The following NRG1 variants were observed in gnomAD, a reference collection of about 807,000 sequenced individuals.
NRG1 encodes the protein neuregulin 1.
Under a neutral mutation model 63.8 loss-of-function variants are expected in NRG1, and 18 were observed. The ratio of observed to expected loss-of-function variants is 0.28; its 90% CI spans 0.19 to 0.42. NRG1 has a LOEUF of 0.42. Ranked by LOEUF, NRG1 falls within the 10% of genes least tolerant of loss-of-function variation. The pLI, the probability that NRG1 is intolerant of heterozygous loss-of-function variation, is 1.00. For missense variants in NRG1, 762 were observed against 814.7 expected, an observed-to-expected ratio of 0.94 and a Z score of 0.79; for synonymous variants, 302 against 301.3, an observed-to-expected ratio of 1.00 and a Z score of -0.02.
At chr8:32,127,847 G>C (rs768279751) in intron 1 of NRG1, among the ~76,000 whole-genome samples, 1 of 151,660 alleles carries the variant, frequency 6.6e-6, no homozygotes, top group Non-Finnish European at 1.5e-5. Flanking sequence ...GATCGCTTGA[G>C]CCCAGAGTTT....
At chr8:31,778,519 C>T (rs1465125992) in intron 1 of NRG1, among the ~76,000 whole-genome samples, 1 of 152,168 alleles carries the variant, frequency 6.6e-6, no homozygotes, top group Non-Finnish European at 1.5e-5. Context: ...TTCCTCAGTT[C>T]CTGCTGTAGA....
intron 1 of NRG1, among the ~76,000 whole-genome samples, chr8:31,948,918 G>C (rs1803040614): frequency 6.6e-6 from 1 of 152,054 alleles, no homozygotes; most frequent in African/African-American, 2.4e-5. Flanking sequence ...GACTCTTCTG[G>C]CTATTAGAAT....
intron 1 of NRG1, among the ~76,000 whole-genome samples, chr8:32,280,113 AAATG>A (rs1852541500): frequency 1.3e-5 from 2 of 149,442 alleles, no homozygotes; most frequent in Admixed American, 6.8e-5. Flanking sequence ...TATGAATAAT[AAATG>A]AATGAACAAA....
At chr8:32,545,926 C>T (rs1471329667), upstream of NRG1, among the ~76,000 whole-genome samples, 1 of 152,038 alleles carries the variant, frequency 6.6e-6, no homozygotes, top group Non-Finnish European at 1.5e-5. Flanking sequence ...CAATTTTTGT[C>T]CTGTCTTTTC....
At chr8:32,691,413 T>G (rs1025438833) in intron 5 of NRG1, among the ~76,000 whole-genome samples, 1 of 152,150 alleles carries the variant, frequency 6.6e-6, no homozygotes, top group African/African-American at 2.4e-5. Flanking sequence ...GACTCTGCAC[T>G]CCAGTGCAGT....
chr8:31,686,004 T>C (rs1428190163), intron 1 of NRG1, among the ~76,000 whole-genome samples: 1 of 152,194 alleles, frequency 6.6e-6, no homozygotes, highest in East Asian at 1.9e-4. Context: ...TTCTCTTAGG[T>C]GTATACCTAG....
chr8:31,821,154 A>G (rs1823965769), intron 1 of NRG1, among the ~76,000 whole-genome samples: 1 of 152,218 alleles, frequency 6.6e-6, no homozygotes, highest in Admixed American at 6.5e-5. Context: ...AAGTTTGTAC[A>G]TGTTCAATAC....
chr8:31,881,189 T>G (rs1261168530), intron 1 of NRG1, among the ~76,000 whole-genome samples: 1 of 152,224 alleles, frequency 6.6e-6, no homozygotes, highest in East Asian at 1.9e-4. Context: ...TTGACAATCC[T>G]ATGTCAAGCA....
At chr8:32,418,696 A>G (rs891962585) in intron 1 of NRG1, among the ~76,000 whole-genome samples, 3 of 152,202 alleles carry the variant, frequency 2.0e-5, no homozygotes, top group African/African-American at 7.2e-5. Context: ...ATATACACCT[A>G]CAAATAATTA....
intron 1 of NRG1, among the ~76,000 whole-genome samples, chr8:32,123,320 C>T (rs1417407255): frequency 6.6e-6 from 1 of 151,848 alleles, no homozygotes; most frequent in East Asian, 1.9e-4. Flanking sequence ...CTGCTGTTCT[C>T]ATGATAGTAA....
At chr8:31,935,236 C>T (rs1835203625) in intron 1 of NRG1, among the ~76,000 whole-genome samples, 1 of 152,148 alleles carries the variant, frequency 6.6e-6, no homozygotes, top group Non-Finnish European at 1.5e-5. Flanking sequence ...CCTGCCTCAG[C>T]CTCCCAAGTA....
Position 31,653,043 on chromosome 8 carries a change from C to G in NRG1, c.37+13612C>G, listed in dbSNP as rs1002382560. On this transcript the variant is annotated intron_variant, in intron 1 of 10. Transcript: ENST00000519301. Reference sequence around the variant, plus strand: ...CCCTCCCCTTCTCTCCCCTCCCCTCCTCTCCTCTCCTCTTGTCTTCCCATT... The same window carrying G: ...CCCTCCCCTTCTCTCCCCTCCCCTCGTCTCCTCTCCTCTTGTCTTCCCATT... Among the ~76,000 whole-genome samples the G allele has an allele frequency of 7.6e-5, 10 of 132,114 alleles. No homozygotes were observed. The Admixed American group carries it at 8.0e-4, about 11-fold the overall frequency. The allele number at this position is 132,114 out of a possible 152,430, so 86.7% of individuals were successfully genotyped here. A position where few individuals can be genotyped will look rare whatever the true frequency, so the allele number is the denominator to read the frequency against.
intron 1 of NRG1, among the ~76,000 whole-genome samples, chr8:32,454,521 A>T (rs2129488297): frequency 6.6e-6 from 1 of 152,020 alleles, no homozygotes; most frequent in East Asian, 1.9e-4. Context: ...GTAAGAAAAA[A>T]AACCGACATT....
At chr8:32,095,851 C>T (rs1386641775) in intron 1 of NRG1, among the ~76,000 whole-genome samples, 1 of 152,048 alleles carries the variant, frequency 6.6e-6, no homozygotes, top group Non-Finnish European at 1.5e-5. Context: ...CCTTCTTCTT[C>T]ACTGAATGGG....
intron 1 of NRG1, among the ~76,000 whole-genome samples, chr8:31,875,311 A>T (rs573302048): frequency 6.6e-6 from 1 of 152,266 alleles, no homozygotes; most frequent in South Asian, 2.1e-4. Context: ...TCTTCTTAGG[A>T]GAAATATTAT....
At chr8:32,416,954 G>A (rs926076704) in intron 1 of NRG1, among the ~76,000 whole-genome samples, 2 of 152,152 alleles carry the variant, frequency 1.3e-5, no homozygotes, top group African/African-American at 4.8e-5. Flanking sequence ...CCAAAGTGCT[G>A]AGATACAGGC....
chr8:32,769,655 G>C (rs1051914323), downstream of NRG1, among the ~76,000 whole-genome samples: 1 of 152,156 alleles, frequency 6.6e-6, no homozygotes, highest in Non-Finnish European at 1.5e-5. Context: ...TAAAATAAAT[G>C]TAAGGGAACT....
At chr8:32,135,211 T>C (rs1835353396) in intron 1 of NRG1, among the ~76,000 whole-genome samples, 1 of 152,154 alleles carries the variant, frequency 6.6e-6, no homozygotes, top group South Asian at 2.1e-4. Context: ...GGCTAAGGTG[T>C]TTATGTTTAA....
intron 1 of NRG1, among the ~76,000 whole-genome samples, chr8:31,716,678 AT>A (rs1812377895): frequency 6.6e-6 from 1 of 152,142 alleles, no homozygotes; most frequent in African/African-American, 2.4e-5. Context: ...TTTTCTCTGT[AT>A]TTTTATGTAC....
Sources: allele counts gnomAD v4.1 joint callset (sites outside exome capture counted in the v4.1 genomes callset), GRCh38; gene constraint gnomAD v4.1.1; transcripts MANE v1.5; gene names NCBI Gene and HGNC (gene_info 2026-07-23, HGNC 2026-07-21).